The following WDR91 variants were observed in gnomAD, a reference collection of about 807,000 sequenced individuals.
WDR91 encodes the protein WD repeat domain 91.
A neutral mutation model predicts 88.4 loss-of-function variants in WDR91; 52 were observed. That is an observed-to-expected ratio of 0.59 (90% confidence interval 0.47 to 0.74). The LOEUF (loss-of-function observed/expected upper bound fraction) is 0.74, where lower values mean the gene tolerates loss of function less well. Ranked by LOEUF, WDR91 falls within the 30% of genes least tolerant of loss-of-function variation. WDR91 has a pLI of 0.00. For synonymous variants in WDR91, 362 were observed against 389.5 expected (o/e 0.93, Z 0.83); for missense variants, 824 against 954.5 (o/e 0.86, Z 1.80).
At position 135,189,470 on chromosome 7, in the gene WDR91, A is replaced by C; in HGVS notation, c.1660-18T>G. On this transcript the variant is annotated intron_variant, in intron 11 of 14. Transcript: ENST00000354475. ...AACTGGAGCTATTGAAATAAAACAA[A>C]AATGTCAGTAGCAGATCTTCACTCA... is the stretch of plus-strand genomic sequence containing the variant. 6.2e-7 allele frequency: 1 copy of C among 1,603,776 alleles called. No individual in the cohort carries two copies. Among genetic ancestry groups the C allele is most frequent in the Non-Finnish European group, 8.5e-7 (1 of 1,170,926 alleles).
In WDR91 at chr7:135,198,072, C is replaced by T; in HGVS notation, c.971G>A (p.Gly324Asp). 1.2e-6 allele frequency: 2 copies of T among 1,614,176 alleles called. No individual in the cohort carries two copies. Among genetic ancestry groups the T allele is most frequent in the East Asian group, 2.2e-5 (1 of 44,874 alleles). The change falls in exon 7 of 15, where the codon GGT (glycine) becomes GAT (aspartate). Residue 324 changes from glycine (G) to aspartate (D), a missense_variant. Gly to Asp is a moderately conservative substitution (Grantham distance 94). Transcript: ENST00000354475. ...GCGCCGCTGCCGGTGCTGTGACCAA[C>T]CGGACTCCCCAGTGGCCAGCCCGCT... ...LLSGLATGES[G>D]WSQHRQRRLQ...
chr7:135,204,470 A>T, intron 5 of WDR91, 37 bp from the exon 6 acceptor site: 1 of 1,607,406 alleles, frequency 6.2e-7, no homozygotes, highest in Non-Finnish European at 8.5e-7. Flanking sequence ...AGAGGGCTGA[A>T]ACAGGATGTG....
At chr7:135,210,210 C>T (rs1033456690) in intron 1 of WDR91, among the ~76,000 whole-genome samples, 3 of 152,256 alleles carry the variant, frequency 2.0e-5, no homozygotes, top group East Asian at 3.9e-4. Flanking sequence ...ATTAGCTGGA[C>T]GTGGTGGCAC....
chr7:135,208,939 G>C lies in WDR91; in HGVS notation c.363C>G (p.Asn121Lys). The C allele has an allele frequency of 6.2e-7, 1 of 1,614,182 alleles. No homozygotes were observed. The highest frequency in any genetic ancestry group is 1.3e-5 in the African/African-American group (1 of 75,044). ...CAAACCAATCCTTCCACTCAGCCTG[G>C]TTCTGGAGTTCCGTGGCCTGCTTTG... The part of the protein sequence containing the change: ...FFAKQATELQ[N>K]QAEWKDWFVL... Residue 121 changes from asparagine to lysine, a missense_variant, in exon 3 of 15, where the codon AAC (asparagine) becomes AAG (lysine). By Grantham distance (94) the Asn-to-Lys change is moderately conservative. Coordinates refer to ENST00000354475, the MANE Select transcript of WDR91 (RefSeq NM_014149.4).
chr7:135,210,342 T>A (rs1831968212), intron 1 of WDR91, among the ~76,000 whole-genome samples: 1 of 151,720 alleles, frequency 6.6e-6, no homozygotes, highest in Admixed American at 6.6e-5. Flanking sequence ...AGAGTGAGAC[T>A]TTCTGTCAAA....
rs1831350773 is a variant in WDR91 at position 135,196,011 on chromosome 7, A to G, written c.1244+133T>C. 2 of 851,452 alleles carry G rather than the reference A, an allele frequency of 2.3e-6. No homozygotes were observed. Among genetic ancestry groups the G allele is most frequent in the Non-Finnish European group, 3.4e-6 (2 of 590,780 alleles). The allele number at this position is 851,452 out of a possible 1,614,324, so 52.7% of individuals were successfully genotyped here. A position where few individuals can be genotyped will look rare whatever the true frequency, so the allele number is the denominator to read the frequency against. On this transcript the variant is annotated intron_variant, in intron 8 of 14. Transcript: ENST00000354475. The surrounding 1 kb of genome is among the most constrained non-coding windows in gnomAD (Gnocchi z 4.2). ...CCACTGGCAGCTCCAACCGACTCCCATGACTCTACTGCCATGACTGTGGCC... is the reference window on the plus strand; with the variant it reads ...CCACTGGCAGCTCCAACCGACTCCCGTGACTCTACTGCCATGACTGTGGCC...
At chr7:135,199,827 T>G (rs1274726596) in intron 6 of WDR91, 2 of 79,136 alleles carry the variant, frequency 2.5e-5, no homozygotes, top group Non-Finnish European at 6.3e-5. Context: ...TAAAGAGTGC[T>G]CAATCAATTG....
chr7:135,186,289 C>G lies in WDR91; in HGVS notation c.2106G>C (p.Glu702Asp). 1 of 1,612,962 alleles carries G rather than the reference C, an allele frequency of 6.2e-7. No homozygotes were observed. The highest frequency in any genetic ancestry group is 8.5e-7 in the Non-Finnish European group (1 of 1,179,594). Residue 702 changes from glutamate (E) to aspartate (D), a missense_variant, in exon 15 of 15, where the codon GAG becomes GAC. Transcript: ENST00000354475. ...GGTGGCCACCTAGGCTCAAGCAGCTCTCCAGAACCTTCTCATCGCCACCCA... is the reference window on the plus strand; with the variant it reads ...GGTGGCCACCTAGGCTCAAGCAGCTGTCCAGAACCTTCTCATCGCCACCCA... ...YKLGGDEKVL[E>D]SCLSLGGHRA... is the part of the protein sequence containing the mutation.
At chr7:135,210,221 G>A (rs955175854) in intron 1 of WDR91, among the ~76,000 whole-genome samples, 7 of 152,094 alleles carry the variant, frequency 4.6e-5, no homozygotes, top group Non-Finnish European at 5.9e-5. Context: ...GTGGTGGCAC[G>A]CGCCTGTAAT....
At position 135,193,289 on chromosome 7, in the gene WDR91, C is replaced by G; in HGVS notation, c.1601G>C (p.Gly534Ala). 1 of 1,614,214 alleles carries G rather than the reference C, an allele frequency of 6.2e-7. No individual in the cohort carries two copies. The highest frequency in any genetic ancestry group is 8.5e-7 in the Non-Finnish European group (1 of 1,180,046). ...CAGCCTGCCAGGAACCTGGTTCATG[C>G]CCTTGCTGCCGATGTCTGGTGCTGA... ...DFSAPDIGSK[G>A]MNQVPGRLLL... is the part of the protein sequence containing the mutation. Residue 534 changes from glycine to alanine, a missense_variant, in exon 11 of 15, where the codon GGC becomes GCC. Gly to Ala is a moderately conservative substitution (Grantham distance 60, BLOSUM62 0). Transcript: ENST00000354475.
At chr7:135,207,259 C>G (rs1831830382) in intron 3 of WDR91, 57 bp from the exon 4 acceptor site, 1 of 1,436,394 alleles carries the variant, frequency 7.0e-7, no homozygotes, top group African/African-American at 1.4e-5. Flanking sequence ...CCTTCCCAAA[C>G]CCTTGACACA....
intron 3 of WDR91, among the ~76,000 whole-genome samples, chr7:135,208,253 C>A (rs967422831): frequency 6.6e-6 from 1 of 152,154 alleles, no homozygotes; most frequent in Non-Finnish European, 1.5e-5. Flanking sequence ...TACCTGCATT[C>A]TCATTCATTC....
intron 6 of WDR91, among the ~76,000 whole-genome samples, chr7:135,203,488 T>C (rs1268860799): frequency 6.6e-6 from 1 of 152,222 alleles, no homozygotes; most frequent in Admixed American, 6.5e-5. Context: ...AGTGGGACCC[T>C]TGGCTGTTTT....
At chr7:135,192,774 C>T (rs1186631653) in intron 11 of WDR91, among the ~76,000 whole-genome samples, 1 of 152,168 alleles carries the variant, frequency 6.6e-6, no homozygotes, top group Non-Finnish European at 1.5e-5. Flanking sequence ...CTCTCTGGGG[C>T]TCAGGGTGGC....
chr7:135,194,961 C>T lies in WDR91; in HGVS notation c.1368G>A (p.Leu456=). 1.9e-6 allele frequency: 3 copies of T among 1,614,166 alleles called. No individual in the cohort carries two copies. Among genetic ancestry groups the T allele is most frequent in the Non-Finnish European group, 2.5e-6 (3 of 1,180,030 alleles). Residue 456 remains leucine, a synonymous_variant, in exon 9 of 15, where the codon TTG becomes TTA. Coordinates refer to ENST00000354475, the MANE Select transcript of WDR91 (RefSeq NM_014149.4). ...SSISKSPLLS[L]EWATKRDRLL... ...GTCTGTCCCGTTTGGTGGCCCATTC[C>T]AAAGACAGCAGCGGTGATTTGGAAA...
In WDR91 at chr7:135,198,144, T is replaced by C; in HGVS notation, c.899A>G (p.Lys300Arg). The change falls in exon 7 of 15, where the codon AAG (lysine) becomes AGG (arginine). Residue 300 changes from lysine to arginine, a missense_variant. Coordinates refer to ENST00000354475, the MANE Select transcript of WDR91 (RefSeq NM_014149.4). ...KKESFGGQGT[K>R]GKDPTSGAKD... ...GGCTCCGGACGTCGGGTCCTTTCCC[T>C]TGGTGCCCTAGAGGAAAAGAAGCTG... is the stretch of plus-strand genomic sequence containing the variant. The C allele has an allele frequency of 1.2e-6, 2 of 1,612,310 alleles. No individual in the cohort carries two copies. The highest frequency in any genetic ancestry group is 1.7e-5 in the Admixed American group (1 of 59,996).
intron 11 of WDR91, among the ~76,000 whole-genome samples, chr7:135,190,673 G>T (rs1831130645): frequency 6.6e-6 from 1 of 151,940 alleles, no homozygotes; most frequent in Non-Finnish European, 1.5e-5. Context: ...GACAAAGCAG[G>T]TTTTAAAAAA....
rs569876426 is a variant in WDR91 at position 135,185,521 on chromosome 7, C to T, written c.*630G>A. On this transcript the variant is annotated 3_prime_UTR_variant, in exon 15 of 15. Coordinates refer to ENST00000354475, the MANE Select transcript of WDR91 (RefSeq NM_014149.4). ...AGAGGCCTCAGCCCCTGCCTTCATC[C>T]TGAGAATCTTCTGTAACAAAAGCTG... 6.6e-6 allele frequency: 1 copy of T among 152,314 alleles called. No homozygotes were observed. Among genetic ancestry groups the T allele is most frequent in the African/African-American group, 2.4e-5 (1 of 41,560 alleles). The allele number at this position is 152,314 out of a possible 1,614,324, so 9.4% of individuals were successfully genotyped here. A position where few individuals can be genotyped will look rare whatever the true frequency, so the allele number is the denominator to read the frequency against.
At chr7:135,193,712 G>C (rs759680845) in intron 9 of WDR91, 40 bp from the exon 10 acceptor site, 2 of 1,566,066 alleles carry the variant, frequency 1.3e-6, no homozygotes, top group South Asian at 2.3e-5. Context: ...GGATAGCATG[G>C]AGTGAGGCTG....
Sources: gnomAD v4.1 joint callset for allele counts (sites outside exome capture counted in the v4.1 genomes callset) on GRCh38, gnomAD v4.1.1 for gene constraint, Gnocchi (gnomAD v3.1) non-coding constraint, MANE v1.5 for transcripts, NCBI Gene and HGNC (gene_info 2026-07-23, HGNC 2026-07-21) for gene names.